The following GOLGA4 variants were observed in gnomAD, a reference collection of about 807,000 sequenced individuals.
The protein encoded by GOLGA4 is golgin A4.
In GOLGA4, 169 loss-of-function variants were observed where a neutral mutation model predicts 265.9. The observed-to-expected ratio is 0.64, with a 90% CI of 0.56 to 0.72. The LOEUF is 0.72. GOLGA4 is among the 30% of genes least tolerant of loss of function. GOLGA4 has a pLI of 0.00. For synonymous variants in GOLGA4, 923 were observed against 855.8 expected (o/e 1.08, Z -1.37); for missense variants, 2,482 against 2,483.4 (o/e 1.00, Z 0.01).
At chr3:37,356,117 C>T (rs528181506) in intron 22 of GOLGA4, among the ~76,000 whole-genome samples, 7 of 152,218 alleles carry the variant, frequency 4.6e-5, no homozygotes, top group African/African-American at 1.4e-4. Flanking sequence ...TCTCTTGAGC[C>T]CACATCTCCT....
At chr3:37,258,025 G>GTATATATGTATATATACATACATA (rs1481185821) in intron 2 of GOLGA4, among the ~76,000 whole-genome samples, 2 of 72,660 alleles carry the variant, frequency 2.8e-5, no homozygotes, top group Non-Finnish European at 5.1e-5. Flanking sequence ...ATATATGTAT[G>GTATATATGTATATATACATACATA]TATATATGTA....
chr3:37,322,544 T>C (rs2096957983), intron 13 of GOLGA4, among the ~76,000 whole-genome samples: 2 of 152,208 alleles, frequency 1.3e-5, no homozygotes. Flanking sequence ...TTCTAAACCA[T>C]GCTTAATTTT....
intron 16 of GOLGA4, chr3:37,329,317 A>G (rs1275948245): frequency 2.6e-5 from 9 of 352,740 alleles, no homozygotes; most frequent in Middle Eastern, 7.6e-4. Context: ...TAGGCAGCAC[A>G]GTCCCCTTGC....
chr3:37,353,252 A>G (rs925374639), intron 21 of GOLGA4, among the ~76,000 whole-genome samples: 8 of 152,136 alleles, frequency 5.3e-5, no homozygotes, highest in Non-Finnish European at 8.8e-5. Context: ...AATGTGACAC[A>G]GAGATATAAA....
intron 21 of GOLGA4, among the ~76,000 whole-genome samples, chr3:37,354,664 C>G (rs2097085433): frequency 6.6e-6 from 1 of 151,946 alleles, no homozygotes; most frequent in African/African-American, 2.4e-5. Flanking sequence ...CATGTTCATG[C>G]AGTAGCCGTG....
At chr3:37,337,883 T>G in intron 19 of GOLGA4, 149 bp downstream of exon 19, 1 of 578,682 alleles carries the variant, frequency 1.7e-6, no homozygotes, top group Non-Finnish European at 3.1e-6. Context: ...ACTAGAGGTT[T>G]TCTCTCTAAA....
At chr3:37,244,717 T>C (rs1185787467) in intron 1 of GOLGA4, among the ~76,000 whole-genome samples, 1 of 152,234 alleles carries the variant, frequency 6.6e-6, no homozygotes, top group Non-Finnish European at 1.5e-5. Context: ...TCTTTTTAAA[T>C]GTAAAGCTCA....
At chr3:37,244,874 AAC>A (rs2096714780) in intron 1 of GOLGA4, among the ~76,000 whole-genome samples, 1 of 152,244 alleles carries the variant, frequency 6.6e-6, no homozygotes, top group African/African-American at 2.4e-5. Flanking sequence ...AATTTTACAA[AAC>A]ACTGTTAATT....
At chr3:37,341,856 A>G (rs932719491) in intron 20 of GOLGA4, 3 of 152,254 alleles carry the variant, frequency 2.0e-5, no homozygotes, top group Non-Finnish European at 4.4e-5. Flanking sequence ...ACACATATAT[A>G]CAATTTATTT....
At position 37,302,313 on chromosome 3, in the gene GOLGA4, A is replaced by G. The variant is rs1476654038; in HGVS notation, c.1215A>G (p.Lys405=). Residue 405 remains lysine (K), a synonymous_variant, in exon 10 of 24, where the codon AAA becomes AAG. Transcript: ENST00000361924. ...AGGGAGAGGAATTACGGGAACAGAA[A>G]GAAAAGTCCGAAAGAGCTGGTAAGA... The part of the protein sequence containing the change: ...TTQGEELREQ[K]EKSERAAFEE... 2 of 1,613,736 alleles carry G rather than the reference A, an allele frequency of 1.2e-6. No individual in the cohort carries two copies. Among genetic ancestry groups the G allele is most frequent in the Non-Finnish European group, 1.7e-6 (2 of 1,179,804 alleles).
At chr3:37,260,131 G>A (rs1164337156) in intron 2 of GOLGA4, among the ~76,000 whole-genome samples, 4 of 144,792 alleles carry the variant, frequency 2.8e-5, no homozygotes, top group Non-Finnish European at 3.0e-5. Flanking sequence ...CATCAAATAC[G>A]CTAACACTAA....
intron 2 of GOLGA4, chr3:37,275,931 C>T: frequency 1.2e-6 from 2 of 1,613,684 alleles, no homozygotes; most frequent in East Asian, 4.5e-5. Context: ...TTAGATGGGC[C>T]ATCAACTGAG....
chr3:37,348,464 C>T (rs559722826), intron 21 of GOLGA4, among the ~76,000 whole-genome samples: 7 of 152,066 alleles, frequency 4.6e-5, no homozygotes, highest in South Asian at 2.1e-4. Context: ...TAATTTTCTC[C>T]TTATCTTTTA....
intron 2 of GOLGA4, among the ~76,000 whole-genome samples, chr3:37,279,665 C>T (rs9844863): frequency 0.015 from 2,284 of 152,178 alleles, 53 homozygotes; most frequent in African/African-American, 0.052. Context: ...CTGGCACTTT[C>T]GGAGGCTGAG....
rs1000298018 is a variant in GOLGA4, at chr3:37,287,210, G to C, written c.525+1149G>C. On this transcript the variant is annotated intron_variant, in intron 4 of 23. Transcript: ENST00000361924. ...ACAAAAATCAGCCGGGTGTGGTGAC[G>C]GGCACCTGTAATCCCAGCTACTCGG... is the stretch of plus-strand genomic sequence containing the variant. Among the ~76,000 whole-genome samples the C allele has an allele frequency of 2.0e-5, 3 of 152,220 alleles. No individual in the cohort carries two copies. The South Asian group carries it at 6.2e-4, about 32-fold the overall frequency.
chr3:37,323,657 G>C lies in GOLGA4; in HGVS notation c.1771G>C (p.Ala591Pro), dbSNP rs2096961492. ...QENKNQSKDL[A>P]VHLEAEKNKH... is the part of the protein sequence containing the mutation. ...AAACAAAAATCAGTCAAAAGATTTG[G>C]CTGTTCATCTGGAAGCTGAAAAAAA... The change falls in exon 14 of 24, where the codon GCT (alanine) becomes CCT (proline). Residue 591 changes from alanine to proline, a missense_variant. Coordinates refer to ENST00000361924, the MANE Select transcript of GOLGA4 (RefSeq NM_002078.5). The C allele has an allele frequency of 1.3e-6, 2 of 1,592,484 alleles. No individual in the cohort carries two copies. The highest frequency in any genetic ancestry group is 1.7e-6 in the Non-Finnish European group (2 of 1,173,448).
intron 19 of GOLGA4, among the ~76,000 whole-genome samples, chr3:37,338,948 G>A (rs998322429): frequency 1.8e-4 from 26 of 145,132 alleles, no homozygotes; most frequent in Admixed American, 1.1e-3. Context: ...TGCAAGCTCC[G>A]CCTCCCGGAT....
intron 2 of GOLGA4, among the ~76,000 whole-genome samples, chr3:37,265,733 A>G (rs1037065112): frequency 6.6e-6 from 1 of 152,160 alleles, no homozygotes; most frequent in African/African-American, 2.4e-5. Flanking sequence ...GTAACATAAG[A>G]TCTACTTTTC....
rs568211860 is a variant in GOLGA4 at position 37,297,647 on chromosome 3, A to T, written c.815-1186A>T. ...AGATAAAGATTAAACAACTAATACT[A>T]AGTAGAGGTTTGGAAGGGTGCCAGT... On this transcript the variant is annotated intron_variant, in intron 7 of 23. Transcript: ENST00000361924. 8.5e-5 allele frequency among the ~76,000 whole-genome samples: 13 copies of T among 152,286 alleles called. No homozygotes were observed. In the South Asian group the frequency reaches 2.7e-3, roughly 32 times the overall value.
Sources: gnomAD v4.1 joint callset for allele counts (sites outside exome capture counted in the v4.1 genomes callset) on GRCh38, gnomAD v4.1.1 for gene constraint, MANE v1.5 for transcripts, NCBI Gene and HGNC (gene_info 2026-07-23, HGNC 2026-07-21) for gene names.